The following ALDH1L2 variants were observed in gnomAD, a reference collection of about 807,000 sequenced individuals.
ALDH1L2 encodes the protein mitochondrial 10-formyltetrahydrofolate dehydrogenase.
Under a neutral mutation model 111.0 loss-of-function variants are expected in ALDH1L2, and 91 were observed. That is an observed-to-expected ratio of 0.82 (90% CI 0.69 to 0.98). The LOEUF (loss-of-function observed/expected upper bound fraction) is 0.98, where lower values mean the gene tolerates loss of function less well. ALDH1L2 is among the 50% of genes least tolerant of loss of function. The probability of loss-of-function intolerance (pLI) is 0.00; values close to 1 mark genes in which losing one functional copy is unlikely to be tolerated. For synonymous variants in ALDH1L2, 374 were observed against 392.6 expected (o/e 0.95, Z 0.56); for missense variants, 995 against 1,126.8 (o/e 0.88, Z 1.67).
At chr12:105,084,242 GT>G (rs1878478541) in intron 1 of ALDH1L2, 146 bp downstream of exon 1, 2 of 991,940 alleles carry the variant, frequency 2.0e-6, no homozygotes, top group Non-Finnish European at 2.7e-6. Context: ...TTGTTTGTTT[GT>G]TTGTTTGTTT....
At chr12:105,039,644 C>A (rs912887356) in intron 17 of ALDH1L2, 69 bp downstream of exon 17, 3 of 1,324,708 alleles carry the variant, frequency 2.3e-6, no homozygotes, top group South Asian at 2.4e-5. Context: ...CAAAAAGTAC[C>A]CTGTTTAAAC....
Position 105,031,804 on chromosome 12 carries a change from G to A in ALDH1L2, c.2375C>T (p.Thr792Ile), listed in dbSNP as rs1196280120. 5 of 1,614,064 alleles carry A rather than the reference G, an allele frequency of 3.1e-6. No individual in the cohort carries two copies. The highest frequency in any genetic ancestry group is 4.2e-6 in the Non-Finnish European group (5 of 1,180,034). ...GACTTGTCTTCCCCCGTACACCAAA[G>A]TGGCCCCTTCTTTCACTCCAGTTTC... is the stretch of plus-strand genomic sequence containing the variant. ...YCETGVKEGATLVYGGRQVQR... is the reference protein window; with the variant it reads ...YCETGVKEGAILVYGGRQVQR... Residue 792 changes from threonine to isoleucine, a missense_variant, in exon 20 of 23, where the codon ACT becomes ATT. Thr to Ile is a moderately conservative substitution (Grantham distance 89). Coordinates refer to ENST00000258494, the MANE Select transcript of ALDH1L2 (RefSeq NM_001034173.4).
At chr12:105,059,064 C>T (rs886205457) in intron 9 of ALDH1L2, among the ~76,000 whole-genome samples, 5 of 151,852 alleles carry the variant, frequency 3.3e-5, no homozygotes, top group East Asian at 3.9e-4. Flanking sequence ...GTCAGGAGAT[C>T]GAGACCACCC....
At chr12:105,066,744 C>A (rs1416869502) in intron 4 of ALDH1L2, 75 bp from the exon 5 acceptor site, 2 of 1,270,008 alleles carry the variant, frequency 1.6e-6, no homozygotes, top group East Asian at 2.3e-5. Flanking sequence ...AAAGTTTCTG[C>A]ATAACAGAAT....
At chr12:105,040,125 CAAAAAAAAAA>C (rs11284250) in intron 16 of ALDH1L2, among the ~76,000 whole-genome samples, 2 of 59,098 alleles carry the variant, frequency 3.4e-5, no homozygotes, top group Non-Finnish European at 6.0e-5. Context: ...GACTCCGTCT[CAAAAAAAAAA>C]AAAAAAAAAA....
chr12:105,023,459 G>T lies in ALDH1L2; in HGVS notation c.*965C>A, dbSNP rs1052792514. On this transcript the variant is annotated 3_prime_UTR_variant, in exon 23 of 23. Coordinates refer to ENST00000258494, the MANE Select transcript of ALDH1L2 (RefSeq NM_001034173.4). ...ATGATTGAAAAGGGTTGTGGGAAAT[G>T]AATTCATCTAGTTAATTAAACTATC... 3 of 152,200 alleles carry T rather than the reference G, an allele frequency of 2.0e-5. No individual in the cohort carries two copies. The highest frequency in any genetic ancestry group is 7.2e-5 in the African/African-American group (3 of 41,458). 9.4% of individuals were successfully genotyped at this position (152,200 alleles called of 1,614,324 possible). A position where few individuals can be genotyped will look rare whatever the true frequency, so the allele number is the denominator to read the frequency against.
At chr12:105,060,028 G>A (rs562329368) in intron 9 of ALDH1L2, among the ~76,000 whole-genome samples, 28 of 152,274 alleles carry the variant, frequency 1.8e-4, no homozygotes, top group African/African-American at 6.0e-4. Context: ...GTTTCCTTGC[G>A]ATAGAGGCTT....
At chr12:105,059,326 T>A (rs1876845554) in intron 9 of ALDH1L2, among the ~76,000 whole-genome samples, 1 of 149,220 alleles carries the variant, frequency 6.7e-6, no homozygotes, top group African/African-American at 2.5e-5. Flanking sequence ...AATACAGTAC[T>A]GTGTGTGATG....
At chr12:105,032,174 CTTTTTTTTTTTT>C in intron 19 of ALDH1L2, among the ~76,000 whole-genome samples, 1 of 105,984 alleles carries the variant, frequency 9.4e-6, no homozygotes, top group Middle Eastern at 5.1e-3. Flanking sequence ...CCTCGAACTT[CTTTTTTTTTTTT>C]TTTTTTTTTG....
chr12:105,037,770 C>CTT (rs71069784), intron 18 of ALDH1L2, among the ~76,000 whole-genome samples: 62 of 143,880 alleles, frequency 4.3e-4, no homozygotes, highest in Admixed American at 9.7e-4. Flanking sequence ...ATTTTTTTTT[C>CTT]TTTTTTTTTT....
intron 22 of ALDH1L2, among the ~76,000 whole-genome samples, chr12:105,025,036 C>A (rs1254313097): frequency 2.0e-5 from 3 of 152,134 alleles, no homozygotes; most frequent in Admixed American, 6.5e-5. Context: ...CACAGGGAAA[C>A]CTGTCTAGGC....
chr12:105,080,342 T>C (rs981299956), intron 1 of ALDH1L2, among the ~76,000 whole-genome samples: 7 of 152,188 alleles, frequency 4.6e-5, no homozygotes, highest in Non-Finnish European at 1.0e-4. Context: ...GCCTGATTAC[T>C]AGTTTGGTTG....
Position 105,027,154 on chromosome 12 carries a change from T to C in ALDH1L2, c.2517-410A>G, listed in dbSNP as rs1294139733. On this transcript the variant is annotated intron_variant, in intron 21 of 22. Transcript: ENST00000258494. ...CCTTGCAAAGTGTTGGGATTACAGG[T>C]GTGAGCCACTGCGCCCAGCCTGATT... Among the ~76,000 whole-genome samples, 4 of 152,364 alleles carry C rather than the reference T, an allele frequency of 2.6e-5. No individual in the cohort carries two copies. The East Asian group carries it at 7.7e-4, about 29-fold the overall frequency.
intron 1 of ALDH1L2, among the ~76,000 whole-genome samples, chr12:105,076,067 A>G (rs765886654): frequency 3.3e-5 from 5 of 152,118 alleles, no homozygotes; most frequent in Non-Finnish European, 5.9e-5. Flanking sequence ...ATTACAGGCT[A>G]TTTTACTTCA....
At chr12:105,045,173 T>C (rs1285239564) in intron 15 of ALDH1L2, among the ~76,000 whole-genome samples, 1 of 152,200 alleles carries the variant, frequency 6.6e-6, no homozygotes, top group Non-Finnish European at 1.5e-5. Context: ...AACCTCTGCC[T>C]CCTGGGTTCA....
At chr12:105,070,964 G>A (rs769610222) in intron 2 of ALDH1L2, among the ~76,000 whole-genome samples, 160 bp from the exon 3 acceptor site, 24 of 152,196 alleles carry the variant, frequency 1.6e-4, no homozygotes, top group Non-Finnish European at 2.8e-4. Flanking sequence ...GTTGTAATTG[G>A]ATCACACTAA....
intron 6 of ALDH1L2, among the ~76,000 whole-genome samples, chr12:105,064,630 C>T (rs966693955): frequency 6.6e-6 from 1 of 152,140 alleles, no homozygotes; most frequent in Non-Finnish European, 1.5e-5. Flanking sequence ...ATATGATGTG[C>T]GATGCCAGAG....
intron 18 of ALDH1L2, 100 bp from the exon 19 acceptor site, chr12:105,034,498 AG>A: frequency 2.1e-6 from 2 of 957,874 alleles, no homozygotes; most frequent in Non-Finnish European, 3.2e-6. Flanking sequence ...GGAAGACAGC[AG>A]GCAATATAGA....
intron 10 of ALDH1L2, among the ~76,000 whole-genome samples, chr12:105,054,529 T>G (rs11112350): frequency 6.6e-6 from 1 of 152,034 alleles, no homozygotes; most frequent in Non-Finnish European, 1.5e-5. Context: ...AAAAGCCAAC[T>G]TCATTGCAAG....
Sources: allele counts gnomAD v4.1 joint callset (sites outside exome capture counted in the v4.1 genomes callset), GRCh38; gene constraint gnomAD v4.1.1; transcripts MANE v1.5; gene names NCBI Gene and HGNC (gene_info 2026-07-23, HGNC 2026-07-21).